The following CNTNAP2 variants were observed in gnomAD, a reference collection of about 807,000 sequenced individuals.
CNTNAP2 encodes the protein contactin-associated protein-like 2.
Under a neutral mutation model 155.2 loss-of-function variants are expected in CNTNAP2, and 98 were observed. The ratio of observed to expected loss-of-function variants is 0.63; its 90% CI spans 0.54 to 0.75. The LOEUF (loss-of-function observed/expected upper bound fraction) is 0.75, where lower values mean the gene tolerates loss of function less well. CNTNAP2 is among the 30% of genes least tolerant of loss of function. CNTNAP2 has a pLI of 0.00. For missense variants in CNTNAP2, 1,727 were observed against 1,688.1 expected, an observed-to-expected ratio of 1.02 and a Z score of -0.40; for synonymous variants, 651 against 631.2, an observed-to-expected ratio of 1.03 and a Z score of -0.47.
chr7:148,093,736 A>G (rs908035703), intron 15 of CNTNAP2, among the ~76,000 whole-genome samples: 15 of 152,262 alleles, frequency 9.9e-5, no homozygotes, highest in Admixed American at 3.9e-4. Context: ...ATTATTTTAA[A>G]TGTATGTATT....
chr7:147,046,260 C>G (rs1799354394), intron 4 of CNTNAP2, among the ~76,000 whole-genome samples: 1 of 152,106 alleles, frequency 6.6e-6, no homozygotes. Context: ...ACTGAGTAGG[C>G]CTTCTCCCAG....
At chr7:147,200,793 T>G (rs1410112840) in intron 8 of CNTNAP2, among the ~76,000 whole-genome samples, 1 of 152,174 alleles carries the variant, frequency 6.6e-6, no homozygotes, top group Non-Finnish European at 1.5e-5. Context: ...AATAGGGCAT[T>G]CTATAAAGCC....
intron 1 of CNTNAP2, among the ~76,000 whole-genome samples, chr7:146,767,013 A>G (rs1455533217): frequency 6.6e-6 from 1 of 152,252 alleles, no homozygotes; most frequent in East Asian, 1.9e-4. Flanking sequence ...TGTGTGTCAG[A>G]TAAGTTATGT....
intron 15 of CNTNAP2, among the ~76,000 whole-genome samples, chr7:148,076,870 G>C (rs944156569): frequency 3.3e-5 from 5 of 152,132 alleles, no homozygotes; most frequent in African/African-American, 1.2e-4. Context: ...CAATCTATTT[G>C]AAACAAGGTT....
chr7:146,856,333 CATA>C, intron 3 of CNTNAP2, among the ~76,000 whole-genome samples: 1 of 150,866 alleles, frequency 6.6e-6, no homozygotes, highest in Non-Finnish European at 1.5e-5. Flanking sequence ...TACATACATA[CATA>C]CATACATAGG....
chr7:148,174,653 A>C (rs926444708), intron 18 of CNTNAP2, among the ~76,000 whole-genome samples: 1 of 152,232 alleles, frequency 6.6e-6, no homozygotes, highest in African/African-American at 2.4e-5. Flanking sequence ...ACATGCATAC[A>C]CGCAGAGATG....
chr7:147,555,282 A>G (rs191674908), intron 11 of CNTNAP2, among the ~76,000 whole-genome samples: 1 of 152,330 alleles, frequency 6.6e-6, no homozygotes, highest in African/African-American at 2.4e-5. Flanking sequence ...ATACCAACCC[A>G]GATAAGCCCC....
intron 10 of CNTNAP2, among the ~76,000 whole-genome samples, chr7:147,410,811 T>A (rs1797090707): frequency 3.3e-5 from 5 of 152,222 alleles, no homozygotes. Flanking sequence ...AAATAAAATA[T>A]TAATATTATT....
At chr7:146,509,480 G>T (rs1427035070) in intron 1 of CNTNAP2, among the ~76,000 whole-genome samples, 1 of 152,142 alleles carries the variant, frequency 6.6e-6, no homozygotes, top group African/African-American at 2.4e-5. Context: ...CCACAACTCC[G>T]TTGGGGTATA....
At chr7:148,276,283 C>A (rs1286164533) in intron 21 of CNTNAP2, among the ~76,000 whole-genome samples, 1 of 152,120 alleles carries the variant, frequency 6.6e-6, no homozygotes, top group African/African-American at 2.4e-5. Flanking sequence ...ATAAAACAAG[C>A]AGGAAAGTAG....
intron 1 of CNTNAP2, among the ~76,000 whole-genome samples, chr7:146,459,031 C>T (rs1041255935): frequency 1.3e-5 from 2 of 152,064 alleles, no homozygotes; most frequent in Non-Finnish European, 2.9e-5. Flanking sequence ...ATATCAAAAA[C>T]TCTCAGCACT....
At chr7:147,288,280 G>A (rs933183065) in intron 8 of CNTNAP2, among the ~76,000 whole-genome samples, 4 of 152,062 alleles carry the variant, frequency 2.6e-5, no homozygotes, top group African/African-American at 9.7e-5. Context: ...GTCTGTCTTT[G>A]CACACAAGAA....
chr7:148,076,422 CTTTTTTTTTTTTTTTT>C (rs771048326), intron 15 of CNTNAP2, among the ~76,000 whole-genome samples: 1 of 49,802 alleles, frequency 2.0e-5, no homozygotes, highest in Non-Finnish European at 3.4e-5. Flanking sequence ...GCTCTGACTT[CTTTTTTTTTTTTTTTT>C]TTTTTTTTTT....
intron 3 of CNTNAP2, among the ~76,000 whole-genome samples, chr7:147,000,238 T>C: frequency 6.6e-6 from 1 of 152,190 alleles, no homozygotes; most frequent in East Asian, 1.9e-4. Context: ...ATTATTTCAA[T>C]TTATTATTTC....
chr7:146,240,905 T>TG (rs1363821892), intron 1 of CNTNAP2, among the ~76,000 whole-genome samples: 1 of 152,170 alleles, frequency 6.6e-6, no homozygotes, highest in Non-Finnish European at 1.5e-5. Flanking sequence ...ACAAGTACGG[T>TG]GCTGGCATCT....
At chr7:148,225,824 A>C (rs1040657669) in intron 19 of CNTNAP2, among the ~76,000 whole-genome samples, 14 of 152,258 alleles carry the variant, frequency 9.2e-5, no homozygotes, top group African/African-American at 3.1e-4. Context: ...CACATGTCAT[A>C]TAGGAGAAAG....
intron 4 of CNTNAP2, among the ~76,000 whole-genome samples, chr7:147,097,029 A>T (rs1321741707): frequency 6.6e-6 from 1 of 152,230 alleles, no homozygotes; most frequent in East Asian, 1.9e-4. Context: ...TCAAACCAAA[A>T]TTACAGAATT....
At chr7:146,123,186 A>G (rs1048657373) in intron 1 of CNTNAP2, among the ~76,000 whole-genome samples, 4 of 152,192 alleles carry the variant, frequency 2.6e-5, no homozygotes, top group African/African-American at 9.6e-5. Flanking sequence ...TTGAAAAAAT[A>G]CAGAGGAGCT....
intron 21 of CNTNAP2, among the ~76,000 whole-genome samples, chr7:148,364,143 C>G (rs1798684322): frequency 6.6e-6 from 1 of 152,244 alleles, no homozygotes; most frequent in Admixed American, 6.5e-5. Context: ...AGCGCCACCC[C>G]CTGCTCCACA....
Sources: gnomAD v4.1 joint callset for allele counts (sites outside exome capture counted in the v4.1 genomes callset) on GRCh38, gnomAD v4.1.1 for gene constraint, MANE v1.5 for transcripts, NCBI Gene and HGNC (gene_info 2026-07-23, HGNC 2026-07-21) for gene names.